Variants in JMJD1C observed in about 807,000 individuals in gnomAD.
JMJD1C encodes jumonji domain-containing protein 1C.
Under a neutral mutation model 245.3 loss-of-function variants are expected in JMJD1C, and 31 were observed. That is an observed-to-expected ratio of 0.13 (90% confidence interval 0.09 to 0.17). The LOEUF (loss-of-function observed/expected upper bound fraction) is 0.17, where lower values mean the gene tolerates loss of function less well. JMJD1C is among the 10% of genes least tolerant of loss of function. JMJD1C has a pLI of 1.00. For missense variants in JMJD1C, 2,691 were observed against 3,000.2 expected, an observed-to-expected ratio of 0.90 and a Z score of 2.41; for synonymous variants, 1,057 against 1,017.4, an observed-to-expected ratio of 1.04 and a Z score of -0.74.
At chr10:63,374,015 A>C (rs1016158809) in intron 2 of JMJD1C, among the ~76,000 whole-genome samples, 2 of 152,204 alleles carry the variant, frequency 1.3e-5, no homozygotes, top group Admixed American at 6.5e-5. Context: ...AAAAGGAAGG[A>C]AGGCAAGCAC....
At chr10:63,323,506 C>G (rs1047890626) in intron 2 of JMJD1C, among the ~76,000 whole-genome samples, 1 of 152,018 alleles carries the variant, frequency 6.6e-6, no homozygotes, top group African/African-American at 2.4e-5. Flanking sequence ...GGTGACAGAG[C>G]AAGACTGTTT....
chr10:63,513,884 G>A (rs1478569361), intron 1 of JMJD1C, among the ~76,000 whole-genome samples: 1 of 152,086 alleles, frequency 6.6e-6, no homozygotes, highest in East Asian at 1.9e-4. Flanking sequence ...CTGCACTCCA[G>A]CCTGGGTGGC....
chr10:63,171,765 T>C (rs1273094881), intron 24 of JMJD1C, among the ~76,000 whole-genome samples: 1 of 152,160 alleles, frequency 6.6e-6, no homozygotes, highest in Non-Finnish European at 1.5e-5. Context: ...TTCTAACATA[T>C]GCTGAAGTGT....
At chr10:63,223,762 G>C (rs549115988) in intron 3 of JMJD1C, among the ~76,000 whole-genome samples, 2 of 149,676 alleles carry the variant, frequency 1.3e-5, no homozygotes, top group South Asian at 2.1e-4. Flanking sequence ...TTTTTGTTTT[G>C]TTTTGTTTTG....
intron 1 of JMJD1C, among the ~76,000 whole-genome samples, chr10:63,382,426 T>C (rs891743768): frequency 7.9e-5 from 12 of 152,048 alleles, no homozygotes; most frequent in African/African-American, 2.2e-4. Context: ...TAATGTAATA[T>C]ACATTAACAG....
At chr10:63,399,495 ACT>A (rs1192218779) in intron 1 of JMJD1C, among the ~76,000 whole-genome samples, 1 of 152,078 alleles carries the variant, frequency 6.6e-6, no homozygotes, top group East Asian at 1.9e-4. Flanking sequence ...AAAATTCTAC[ACT>A]GTTTTTCAAC....
chr10:63,508,348 C>G (rs954525336), intron 1 of JMJD1C, among the ~76,000 whole-genome samples: 2 of 152,188 alleles, frequency 1.3e-5, no homozygotes, highest in Non-Finnish European at 2.9e-5. Context: ...TTGGTCTATT[C>G]TTTCACTAGT....
At chr10:63,335,729 T>A (rs1942654589) in intron 2 of JMJD1C, among the ~76,000 whole-genome samples, 1 of 152,006 alleles carries the variant, frequency 6.6e-6, no homozygotes, top group African/African-American at 2.4e-5. Context: ...CAGACTGTTC[T>A]TGAACTCCTG....
At chr10:63,424,302 A>C (rs1950302648) in intron 1 of JMJD1C, among the ~76,000 whole-genome samples, 1 of 151,574 alleles carries the variant, frequency 6.6e-6, no homozygotes, top group East Asian at 1.9e-4. Context: ...CCTGATCTCA[A>C]GCAATACCCC....
intron 1 of JMJD1C, among the ~76,000 whole-genome samples, chr10:63,432,681 G>C (rs1589738703): frequency 6.6e-6 from 1 of 152,168 alleles, no homozygotes; most frequent in Admixed American, 6.5e-5. Flanking sequence ...TTTAACCACT[G>C]TTAATTGGCA....
chr10:63,249,438 A>G (rs1852732928), intron 3 of JMJD1C, among the ~76,000 whole-genome samples: 1 of 152,224 alleles, frequency 6.6e-6, no homozygotes, highest in African/African-American at 2.4e-5. Context: ...TAATGGATAT[A>G]AATATACAAT....
chr10:63,223,149 AACAAAC>A, intron 3 of JMJD1C: 2 of 568,920 alleles, frequency 3.5e-6, no homozygotes, highest in South Asian at 2.5e-5. Flanking sequence ...AAAAAACCCA[AACAAAC>A]AAAAACTTCC....
chr10:63,398,898 T>C (rs1948679766), intron 1 of JMJD1C, among the ~76,000 whole-genome samples: 1 of 152,200 alleles, frequency 6.6e-6, no homozygotes, highest in Admixed American at 6.5e-5. Context: ...TCACATGCTT[T>C]GGCCTCCCAA....
At chr10:63,219,806 G>T in intron 4 of JMJD1C, 72 bp downstream of exon 4, 1 of 1,037,256 alleles carries the variant, frequency 9.6e-7, no homozygotes, top group South Asian at 1.4e-5. Flanking sequence ...GCACACAATT[G>T]AATAACCAAA....
chr10:63,381,860 CTAAA>C (rs1947244688), intron 1 of JMJD1C, among the ~76,000 whole-genome samples: 2 of 152,080 alleles, frequency 1.3e-5, no homozygotes, highest in Admixed American at 1.3e-4. Context: ...TAAATGTACA[CTAAA>C]TAATGATGTC....
chr10:63,255,283 G>A (rs1032465897), intron 3 of JMJD1C, among the ~76,000 whole-genome samples: 13 of 151,918 alleles, frequency 8.6e-5, no homozygotes, highest in Admixed American at 2.6e-4. Context: ...TCTTTTCAAC[G>A]TTTCATTCCC....
rs546767051 is a variant in JMJD1C, at chr10:63,244,403, G to C, written c.447+20248C>G. On this transcript the variant is annotated intron_variant, in intron 3 of 25. Transcript: ENST00000399262. ...GCAAACTACTGGGGAAAACAAGAAA[G>C]GTAAATTATTTAAAAAGTCTAAGCA... Among the ~76,000 whole-genome samples, 6 of 152,132 alleles carry C rather than the reference G, an allele frequency of 3.9e-5. No individual in the cohort carries two copies. The East Asian group carries it at 7.7e-4, about 20-fold the overall frequency.
At chr10:63,320,234 TA>T (rs1355314026) in intron 2 of JMJD1C, among the ~76,000 whole-genome samples, 6 of 152,202 alleles carry the variant, frequency 3.9e-5, no homozygotes, top group African/African-American at 1.4e-4. Context: ...ATGTTTTTGA[TA>T]TTGAGTAATT....
At chr10:63,200,720 A>G (rs746659006) in intron 10 of JMJD1C, 43 bp from the exon 11 acceptor site, 9 of 1,540,598 alleles carry the variant, frequency 5.8e-6, no homozygotes, top group Non-Finnish European at 8.1e-6. Flanking sequence ...TATGCTTTGT[A>G]AAAAGTTAAA....
Sources: gnomAD v4.1 joint callset for allele counts (sites outside exome capture counted in the v4.1 genomes callset) on GRCh38, gnomAD v4.1.1 for gene constraint, MANE v1.5 for transcripts, NCBI Gene and HGNC (gene_info 2026-07-23, HGNC 2026-07-21) for gene names.